Variants in LIPC observed in about 807,000 individuals in gnomAD.
The protein encoded by LIPC is lipase C, hepatic type.
Under a neutral mutation model 50.7 loss-of-function variants are expected in LIPC, and 44 were observed. That is an observed-to-expected ratio of 0.87 (90% CI 0.68 to 1.11). LIPC has a LOEUF of 1.11. LIPC is among the 50% of genes most tolerant of loss of function. The probability of loss-of-function intolerance (pLI) is 0.00; values close to 1 mark genes in which losing one functional copy is unlikely to be tolerated. For synonymous variants in LIPC, 271 were observed against 256.4 expected, an observed-to-expected ratio of 1.06 and a Z score of -0.54; for missense variants, 697 against 648.2, an observed-to-expected ratio of 1.08 and a Z score of -0.82.
intron 1 of LIPC, among the ~76,000 whole-genome samples, chr15:58,461,837 C>G (rs1350185120): frequency 6.6e-6 from 1 of 152,092 alleles, no homozygotes; most frequent in East Asian, 1.9e-4. Flanking sequence ...CTTGTCTCCC[C>G]CCGGTTCCGA....
chr15:58,543,524 T>A lies in LIPC; in HGVS notation c.574+873T>A, dbSNP rs140499675. Among the ~76,000 whole-genome samples the A allele has an allele frequency of 3.0e-4, 46 of 152,008 alleles. No individual in the cohort carries two copies. The East Asian group carries it at 8.7e-3, about 29-fold the overall frequency. ...TTGCCCACCACTCAGCCACTCAAAC[T>A]CCTCCTCATCCTTCAAGACCCAGCA... On this transcript the variant is annotated intron_variant, in intron 4 of 8. Transcript: ENST00000299022.
chr15:58,546,672 C>G (rs191469232), intron 5 of LIPC, among the ~76,000 whole-genome samples: 1 of 152,292 alleles, frequency 6.6e-6, no homozygotes, highest in East Asian at 1.9e-4. Flanking sequence ...TTCCAAATTT[C>G]TTGCTATTAT....
At chr15:58,531,626 C>CAA (rs60425157) in intron 1 of LIPC, among the ~76,000 whole-genome samples, 8,276 of 82,638 alleles carry the variant, frequency 0.1, 855 homozygotes, top group East Asian at 0.3. Flanking sequence ...AAAATGGACT[C>CAA]AAAAAAAAAA....
intron 1 of LIPC, among the ~76,000 whole-genome samples, chr15:58,443,320 G>A (rs1182121186): frequency 1.3e-5 from 2 of 152,104 alleles, no homozygotes; most frequent in Non-Finnish European, 2.9e-5. Context: ...GTGAGTGATG[G>A]CCAGGAGCAG....
intron 1 of LIPC, among the ~76,000 whole-genome samples, chr15:58,471,441 C>A (rs1004070163): frequency 6.6e-6 from 1 of 151,982 alleles, no homozygotes; most frequent in African/African-American, 2.4e-5. Flanking sequence ...AGCCATCACA[C>A]CCAGCTGATA....
chr15:58,533,124 C>A (rs1893006504), intron 1 of LIPC: 1 of 981,630 alleles, frequency 1.0e-6, no homozygotes, highest in Admixed American at 6.1e-5. Flanking sequence ...GTATCATCCC[C>A]AGATTCTTAT....
chr15:58,456,380 T>C (rs1894114781), intron 1 of LIPC: 1 of 152,274 alleles, frequency 6.6e-6, no homozygotes, highest in African/African-American at 2.4e-5. Flanking sequence ...TTATCCTCAA[T>C]GCTTTCTGTA....
intron 4 of LIPC, 68 bp from the exon 5 acceptor site, chr15:58,545,674 G>A (rs927940325): frequency 7.5e-7 from 1 of 1,335,076 alleles, no homozygotes; most frequent in African/African-American, 1.4e-5. Context: ...ATATCCAAAA[G>A]CTAAAAAGCA....
intron 1 of LIPC, chr15:58,521,787 G>A (rs972065854): frequency 6.6e-6 from 1 of 152,330 alleles, no homozygotes; most frequent in Non-Finnish European, 1.5e-5. Context: ...GGTAGGAGGT[G>A]GAAAGACAAG....
At chr15:58,438,432 G>A (rs538206232) in intron 1 of LIPC, among the ~76,000 whole-genome samples, 9 of 152,196 alleles carry the variant, frequency 5.9e-5, no homozygotes, top group African/African-American at 1.9e-4. Flanking sequence ...CGAGTGGGGC[G>A]CTCTCAGCTG....
intron 8 of LIPC, chr15:58,565,518 T>C (rs1174104166): frequency 9.7e-6 from 13 of 1,335,738 alleles, no homozygotes; most frequent in African/African-American, 5.9e-5. Context: ...ATGGCATTGG[T>C]CTCACGTGAT....
intron 1 of LIPC, among the ~76,000 whole-genome samples, chr15:58,503,431 CT>C (rs1333069583): frequency 1.3e-5 from 2 of 152,182 alleles, no homozygotes; most frequent in Non-Finnish European, 2.9e-5. Flanking sequence ...GCGCCAGCCT[CT>C]GGATAACAGG....
chr15:58,527,888 G>T (rs879573056), intron 1 of LIPC, among the ~76,000 whole-genome samples: 1 of 152,120 alleles, frequency 6.6e-6, no homozygotes, highest in Non-Finnish European at 1.5e-5. Context: ...TCCGCACATG[G>T]GGAAGCCCTA....
rs1398603063 is a variant in LIPC, at chr15:58,542,590, A to T, written c.513A>T (p.Ala171=). 1 of 1,613,728 alleles carries T rather than the reference A, an allele frequency of 6.2e-7. No homozygotes were observed. The highest frequency in any genetic ancestry group is 1.3e-5 in the African/African-American group (1 of 74,894). ...HVHLIGYSLG[A]HVSGFAGSSI... ...ACCTAATTGGGTACAGCCTGGGTGC[A>T]CACGTGTCAGGATTTGCCGGCAGTT... Residue 171 remains alanine, a synonymous_variant, in exon 4 of 9, where the codon GCA becomes GCT. Transcript: ENST00000299022.
At chr15:58,448,947 A>T (rs1401095558) in intron 1 of LIPC, among the ~76,000 whole-genome samples, 2 of 152,228 alleles carry the variant, frequency 1.3e-5, no homozygotes, top group South Asian at 2.1e-4. Context: ...CCTGAAGGAC[A>T]AAAACCAGGC....
chr15:58,485,927 A>C (rs1305882882), intron 1 of LIPC, among the ~76,000 whole-genome samples: 1 of 152,192 alleles, frequency 6.6e-6, no homozygotes, highest in Non-Finnish European at 1.5e-5. Flanking sequence ...AAGGGAACAG[A>C]CTAAGATGGC....
At chr15:58,462,085 C>T (rs545728701) in intron 1 of LIPC, among the ~76,000 whole-genome samples, 1 of 152,306 alleles carries the variant, frequency 6.6e-6, no homozygotes, top group East Asian at 1.9e-4. Flanking sequence ...CCAAGTGAGG[C>T]CCACCTTCCT....
At chr15:58,503,665 C>T (rs1177052277) in intron 1 of LIPC, among the ~76,000 whole-genome samples, 5 of 152,338 alleles carry the variant, frequency 3.3e-5, no homozygotes, top group African/African-American at 1.2e-4. Context: ...GGCCGCACCA[C>T]CCAGCCCGGG....
chr15:58,470,681 C>T (rs1289092355), intron 1 of LIPC, among the ~76,000 whole-genome samples: 4 of 151,578 alleles, frequency 2.6e-5, no homozygotes, highest in African/African-American at 9.7e-5. Context: ...CTCACCGCAA[C>T]CTCCGCCTCC....
Sources: gnomAD v4.1 joint callset for allele counts (sites outside exome capture counted in the v4.1 genomes callset) on GRCh38, gnomAD v4.1.1 for gene constraint, MANE v1.5 for transcripts, NCBI Gene and HGNC (gene_info 2026-07-23, HGNC 2026-07-21) for gene names.